Variants in HECW2 observed in about 807,000 individuals in gnomAD.
The protein encoded by HECW2 is E3 ubiquitin-protein ligase HECW2.
In HECW2, 61 loss-of-function variants were observed where a neutral mutation model predicts 175.2. The observed-to-expected ratio is 0.35, with a 90% CI of 0.28 to 0.43. The LOEUF is 0.43. Among genes scored for constraint, HECW2 ranks in the 20% least tolerant of loss-of-function variants. The pLI is 1.00. For synonymous variants in HECW2, 671 were observed against 731.0 expected (o/e 0.92, Z 1.32); for missense variants, 1,524 against 2,000.5 (o/e 0.76, Z 4.54).
At chr2:196,345,967 C>T (rs1692940135) in intron 2 of HECW2, among the ~76,000 whole-genome samples, 1 of 152,198 alleles carries the variant, frequency 6.6e-6, no homozygotes, top group South Asian at 2.1e-4. Flanking sequence ...AGAACACACA[C>T]ATAGGAGATA....
At chr2:196,264,777 T>A (rs1349637312) in intron 17 of HECW2, among the ~76,000 whole-genome samples, 1 of 152,208 alleles carries the variant, frequency 6.6e-6, no homozygotes, top group Non-Finnish European at 1.5e-5. Context: ...TTCAAAAGCA[T>A]ATGCAGATCT....
At chr2:196,378,761 AAATTC>A (rs1694119882) in intron 2 of HECW2, among the ~76,000 whole-genome samples, 1 of 152,244 alleles carries the variant, frequency 6.6e-6, no homozygotes, top group Non-Finnish European at 1.5e-5. Flanking sequence ...GATAATTACA[AAATTC>A]ATAATTTTTC....
rs545898511 is a variant in HECW2 at position 196,255,313 on chromosome 2, G to A, written c.3420-1284C>T. 7.0e-4 allele frequency among the ~76,000 whole-genome samples: 107 copies of A among 151,874 alleles called. 1 individual carries two copies. Among genetic ancestry groups the A allele is most frequent in the African/African-American group, 2.6e-3 (106 of 41,442 alleles). On this transcript the variant is annotated intron_variant, in intron 18 of 28. Coordinates refer to ENST00000644978, the MANE Select transcript of HECW2 (RefSeq NM_001348768.2). ...GGCTGATCTCTTTGTTTTACATGTT[G>A]TAAATCTATTCTTCCAGTTGATTAT...
At chr2:196,563,956 A>T (rs1052668779) in intron 1 of HECW2, among the ~76,000 whole-genome samples, 1 of 152,226 alleles carries the variant, frequency 6.6e-6, no homozygotes, top group African/African-American at 2.4e-5. Context: ...TATTCACATG[A>T]TCTCACACAG....
intron 10 of HECW2, among the ~76,000 whole-genome samples, chr2:196,311,630 C>A (rs1691500545): frequency 6.6e-6 from 1 of 152,076 alleles, no homozygotes; most frequent in African/African-American, 2.4e-5. Context: ...AACTCTGTCT[C>A]TACTAAAAAT....
At position 196,511,157 on chromosome 2, in the gene HECW2, G is replaced by C. The variant is rs1286855491; in HGVS notation, c.-35-77699C>G. ...ATTTTTGTATTTTTAGCAAAGAGAG[G>C]GTTTCACCATGTGGGCCAGGCCAGG... On this transcript the variant is annotated intron_variant, in intron 1 of 28. Transcript: ENST00000644978. Among the ~76,000 whole-genome samples the C allele has an allele frequency of 2.0e-5, 3 of 152,098 alleles. No individual in the cohort carries two copies. In the South Asian group the frequency reaches 6.2e-4, roughly 32 times the overall value.
At chr2:196,270,846 C>A (rs1035832798) in intron 17 of HECW2, among the ~76,000 whole-genome samples, 12 of 152,104 alleles carry the variant, frequency 7.9e-5, no homozygotes, top group African/African-American at 2.2e-4. Flanking sequence ...CAGGCACACA[C>A]CACCATGCTC....
intron 2 of HECW2, among the ~76,000 whole-genome samples, chr2:196,399,580 T>C (rs1463985162): frequency 6.6e-6 from 1 of 152,198 alleles, no homozygotes; most frequent in African/African-American, 2.4e-5. Context: ...TTTGCTCACT[T>C]CTTTCTCTAG....
At chr2:196,334,321 T>G (rs571011400) in intron 4 of HECW2, 103 bp downstream of exon 4, 1 of 851,112 alleles carries the variant, frequency 1.2e-6, no homozygotes, top group Non-Finnish European at 1.9e-6. Context: ...ATGTGTTTCC[T>G]TTTTCATTGT....
chr2:196,274,800 C>T (rs552309369), intron 15 of HECW2, among the ~76,000 whole-genome samples: 77 of 152,300 alleles, frequency 5.1e-4, no homozygotes, highest in African/African-American at 1.6e-3. Context: ...TTTAGAAACT[C>T]ATACACACAA....
chr2:196,300,447 G>A (rs944239257), intron 13 of HECW2, among the ~76,000 whole-genome samples: 2 of 152,212 alleles, frequency 1.3e-5, no homozygotes, highest in Admixed American at 6.5e-5. Context: ...ATGAAGAAAT[G>A]TAAGTCTAAT....
intron 3 of HECW2, among the ~76,000 whole-genome samples, chr2:196,339,964 T>C (rs1692686993): frequency 6.6e-6 from 1 of 152,172 alleles, no homozygotes; most frequent in Admixed American, 6.5e-5. Flanking sequence ...CCTCTGGGGA[T>C]TTATCCAGAC....
chr2:196,234,892 C>T (rs774262207), intron 21 of HECW2, among the ~76,000 whole-genome samples: 12 of 152,146 alleles, frequency 7.9e-5, no homozygotes, highest in Non-Finnish European at 1.6e-4. Context: ...TTTGCAAAGG[C>T]AGATAACCAG....
chr2:196,462,044 A>ATG (rs1055310405), intron 1 of HECW2, among the ~76,000 whole-genome samples: 1 of 152,106 alleles, frequency 6.6e-6, no homozygotes, highest in South Asian at 2.1e-4. Flanking sequence ...TCATATATAT[A>ATG]TGTGTGTGTG....
chr2:196,575,080 C>CAAAA lies in HECW2; in HGVS notation c.-36+18424_-36+18427dup, dbSNP rs1164886570. ...TGGGTAACAGAGCAAGGCCTTGTCT[C>CAAAA]AAAAAAAAAAAAAAAAAAAAAAAAA... is the stretch of plus-strand genomic sequence containing the variant. On this transcript the variant is annotated intron_variant, in intron 1 of 28. Transcript: ENST00000644978. Among the ~76,000 whole-genome samples, 46 of 29,842 alleles carry CAAAA rather than the reference C, an allele frequency of 1.5e-3. 2 individuals are homozygous for CAAAA. Among genetic ancestry groups the CAAAA allele is most frequent in the African/African-American group, 5.9e-3 (38 of 6,414 alleles). 19.6% of individuals were successfully genotyped at this position (29,842 alleles called of 152,430 possible).
intron 1 of HECW2, among the ~76,000 whole-genome samples, chr2:196,545,214 A>G (rs1171815534): frequency 2.0e-5 from 3 of 152,192 alleles, no homozygotes; most frequent in Admixed American, 1.3e-4. Context: ...ACCTCTGGGA[A>G]CCATTCATCA....
intron 14 of HECW2, among the ~76,000 whole-genome samples, chr2:196,284,246 G>A (rs79113079): frequency 6.0e-4 from 91 of 152,316 alleles, no homozygotes; most frequent in African/African-American, 2.0e-3. Context: ...TACATACTGC[G>A]TCCAATTCTC....
chr2:196,546,833 AAAG>A (rs1689440273), intron 1 of HECW2, among the ~76,000 whole-genome samples: 1 of 152,154 alleles, frequency 6.6e-6, no homozygotes, highest in African/African-American at 2.4e-5. Flanking sequence ...AAAAAAAAAA[AAAG>A]AGAGAAAGTA....
At chr2:196,484,215 T>G (rs1472773656) in intron 1 of HECW2, among the ~76,000 whole-genome samples, 1 of 152,198 alleles carries the variant, frequency 6.6e-6, no homozygotes, top group Non-Finnish European at 1.5e-5. Context: ...TGGTTCACAG[T>G]GAGCACTCAT....
Sources: allele counts gnomAD v4.1 joint callset (sites outside exome capture counted in the v4.1 genomes callset), GRCh38; gene constraint gnomAD v4.1.1; transcripts MANE v1.5; gene names NCBI Gene and HGNC (gene_info 2026-07-23, HGNC 2026-07-21).